BDP1: variants seen among roughly 807,000 people sequenced by gnomAD.
BDP1 encodes the protein BDP1 general transcription factor IIIB subunit.
Under a neutral mutation model 266.6 loss-of-function variants are expected in BDP1, and 169 were observed. The observed-to-expected ratio is 0.63, with a 90% confidence interval of 0.56 to 0.72. The LOEUF is 0.72. Among genes scored for constraint, BDP1 ranks in the 30% least tolerant of loss-of-function variants. The pLI is 0.00. For missense variants in BDP1, 3,015 were observed against 3,053.8 expected (o/e 0.99, Z 0.30); for synonymous variants, 1,090 against 1,022.4 (o/e 1.07, Z -1.26).
intron 17 of BDP1, among the ~76,000 whole-genome samples, chr5:71,511,958 C>T (rs1256558681): frequency 1.3e-5 from 2 of 150,732 alleles, no homozygotes; most frequent in African/African-American, 4.9e-5. Context: ...TTTCAAGTTA[C>T]TTTGAAGTTC....
At position 71,522,780 on chromosome 5, in the gene BDP1, C is replaced by G; in HGVS notation, c.5218C>G (p.Leu1740Val). 2 of 1,605,352 alleles carry G rather than the reference C, an allele frequency of 1.2e-6. No homozygotes were observed. The highest frequency in any genetic ancestry group is 1.7e-5 in the Admixed American group (1 of 57,802). ...LKEKAELLTS[L>V]EVSARKDCVG... ...GGAAAAAGCTGAGCTTCTGACATCT[C>G]TGGAGGTTTCAGCAAGAAAAGATTG... The change falls in exon 24 of 39, where the codon CTG (leucine) becomes GTG (valine). Residue 1740 changes from leucine (L) to valine (V), a missense_variant. Leu to Val is a conservative substitution (Grantham distance 32). Transcript: ENST00000358731.
rs11441119 is a variant in BDP1, at chr5:71,501,673, T to TAAA, written c.2048+38_2048+40dup. 3,290 of 544,352 alleles carry TAAA rather than the reference T, an allele frequency of 6.0e-3. 40 individuals carry two copies. The highest frequency in any genetic ancestry group is 0.042 in the African/African-American group (1,806 of 43,100). 33.7% of individuals were successfully genotyped at this position (544,352 alleles called of 1,614,324 possible). ...ATCTGTGTGAGTATTCAGGAAGTAG[T>TAAA]AAAAAAAAAAAAAAAAAAAAGTAAC... On this transcript the variant is annotated intron_variant, in intron 14 of 38. Coordinates refer to ENST00000358731, the MANE Select transcript of BDP1 (RefSeq NM_018429.3).
At chr5:71,552,111 C>T (rs535530215) in intron 34 of BDP1, among the ~76,000 whole-genome samples, 30 of 74,572 alleles carry the variant, frequency 4.0e-4, no homozygotes, top group South Asian at 1.6e-3. Context: ...GACGGGGCGG[C>T]TGCCGGGCGG....
At chr5:71,493,987 A>G (rs1763738669) in intron 11 of BDP1, among the ~76,000 whole-genome samples, 1 of 152,260 alleles carries the variant, frequency 6.6e-6, no homozygotes, top group Non-Finnish European at 1.5e-5. Context: ...GAAGAAATGT[A>G]GAAAAATATC....
At chr5:71,525,212 C>T (rs1295342653) in intron 25 of BDP1, among the ~76,000 whole-genome samples, 3 of 151,400 alleles carry the variant, frequency 2.0e-5, no homozygotes, top group South Asian at 2.1e-4. Flanking sequence ...CAGGGGCGGC[C>T]GGGCAGAGGC....
chr5:71,463,436 GT>G lies in BDP1; in HGVS notation c.600-619del, dbSNP rs1451166846. The stretch of plus-strand genomic sequence containing the variant: ...GGGCCAGAAACCTAGGTTTTGAGTT[GT>G]TTAACATCCAGGAGTTGGAGACAAG... On this transcript the variant is annotated intron_variant, in intron 3 of 38. Transcript: ENST00000358731. Among the ~76,000 whole-genome samples, 3 of 152,144 alleles carry G rather than the reference GT, an allele frequency of 2.0e-5. No individual in the cohort carries two copies. The East Asian group carries it at 5.8e-4, about 29-fold the overall frequency.
At chr5:71,488,221 G>A (rs975037947) in intron 9 of BDP1, among the ~76,000 whole-genome samples, 28 of 152,122 alleles carry the variant, frequency 1.8e-4, no homozygotes, top group African/African-American at 6.5e-4. Flanking sequence ...CACTGCTCGA[G>A]TTCAAGCAGT....
At chr5:71,531,633 C>G (rs1452103338) in intron 25 of BDP1, among the ~76,000 whole-genome samples, 2 of 152,138 alleles carry the variant, frequency 1.3e-5, no homozygotes, top group African/African-American at 4.8e-5. Flanking sequence ...CTCAGCCTCC[C>G]CAGTAGCTGG....
At chr5:71,532,700 G>A (rs1048700616) in intron 26 of BDP1, among the ~76,000 whole-genome samples, 3 of 152,108 alleles carry the variant, frequency 2.0e-5, no homozygotes, top group African/African-American at 7.2e-5. Flanking sequence ...ATTCTGTTGC[G>A]TTTTATTTGC....
chr5:71,495,300 C>G lies in BDP1; in HGVS notation c.1691C>G (p.Thr564Ser). Reference sequence around the variant, plus strand: ...GCAACTGAGTCTTCAGAATCAAGCACTTCAGATTTGCCTTCATTCGAAGTT... The same window carrying G: ...GCAACTGAGTCTTCAGAATCAAGCAGTTCAGATTTGCCTTCATTCGAAGTT... ...SVATESSESSTSDLPSFEVGI... is the reference protein window; with the variant it reads ...SVATESSESSSSDLPSFEVGI... Residue 564 changes from threonine (T) to serine (S), a missense_variant, in exon 12 of 39, where the codon ACT (threonine) becomes AGT (serine). This residue lies in a region of BDP1 where 2,383 missense variants were observed against 2,404.9 expected (regional missense o/e 0.99). Coordinates refer to ENST00000358731, the MANE Select transcript of BDP1 (RefSeq NM_018429.3). 6.2e-7 allele frequency: 1 copy of G among 1,605,714 alleles called. No homozygotes were observed. The highest frequency in any genetic ancestry group is 8.5e-7 in the Non-Finnish European group (1 of 1,175,324).
chr5:71,556,032 G>A (rs953047015), intron 35 of BDP1, among the ~76,000 whole-genome samples: 1 of 151,590 alleles, frequency 6.6e-6, no homozygotes, highest in Non-Finnish European at 1.5e-5. Flanking sequence ...GTCTTGTTTT[G>A]TGTCTTTCTA....
At chr5:71,564,351 TTTTAC>T (rs2112132613) in intron 38 of BDP1, among the ~76,000 whole-genome samples, 1 of 118,818 alleles carries the variant, frequency 8.4e-6, no homozygotes, top group Non-Finnish European at 1.9e-5. Flanking sequence ...ATTAAAGTAT[TTTTAC>T]TTTATTTAGT....
intron 19 of BDP1, 128 bp from the exon 20 acceptor site, chr5:71,514,816 G>A: frequency 1.9e-6 from 1 of 529,988 alleles, no homozygotes. Context: ...GGAATTGCTG[G>A]GAATTTAGAA....
At position 71,547,763 on chromosome 5, in the gene BDP1, C is replaced by T. The variant is rs529852937; in HGVS notation, c.6745-919C>T. Among the ~76,000 whole-genome samples the T allele has an allele frequency of 7.2e-5, 11 of 152,072 alleles. No individual in the cohort carries two copies. In the East Asian group the frequency reaches 2.1e-3, roughly 29 times the overall value. On this transcript the variant is annotated intron_variant, in intron 32 of 38. Coordinates refer to ENST00000358731, the MANE Select transcript of BDP1 (RefSeq NM_018429.3). ...AAGAAATTGAGATCATCCTGGCCAA[C>T]ATGGTGAAACTCTGTCTCTACTAAA...
chr5:71,505,150 G>T (rs1764509101), intron 16 of BDP1, among the ~76,000 whole-genome samples: 2 of 152,028 alleles, frequency 1.3e-5, no homozygotes, highest in African/African-American at 4.8e-5. Context: ...GGGATTACAG[G>T]TGCCTGCCAC....
rs573617750 is a variant in BDP1 at position 71,491,719 on chromosome 5, T to G, written c.1640+588T>G. Among the ~76,000 whole-genome samples the G allele has an allele frequency of 5.3e-5, 8 of 152,262 alleles. No homozygotes were observed. The South Asian group carries it at 1.0e-3, about 20-fold the overall frequency. On this transcript the variant is annotated intron_variant, in intron 11 of 38. Transcript: ENST00000358731. Reference sequence around the variant, plus strand: ...TCATGATTCTTTCTTTGTTTTGTTTTGTTTTGTTTTGTTTTTGAGATGGGG... The same window carrying G: ...TCATGATTCTTTCTTTGTTTTGTTTGGTTTTGTTTTGTTTTTGAGATGGGG...
Position 71,510,110 on chromosome 5 carries a change from T to C in BDP1, c.3018T>C (p.Asp1006=). Residue 1006 remains aspartate, a synonymous_variant, in exon 17 of 39, where the codon GAT becomes GAC. Coordinates refer to ENST00000358731, the MANE Select transcript of BDP1 (RefSeq NM_018429.3). ...ENGPEEVKPV[D]EMETDLNATG... ...GCCCAGAGGAGGTCAAGCCTGTAGA[T>C]GAAATGGAGACAGATTTGAACGCAA... 1.2e-6 allele frequency: 2 copies of C among 1,612,416 alleles called. No individual in the cohort carries two copies. The highest frequency in any genetic ancestry group is 1.7e-6 in the Non-Finnish European group (2 of 1,179,714).
intron 7 of BDP1, among the ~76,000 whole-genome samples, chr5:71,481,139 G>A (rs943737776): frequency 1.1e-4 from 17 of 151,256 alleles, no homozygotes; most frequent in Admixed American, 5.9e-4. Context: ...GCGCCACTGC[G>A]CTCCAGCCTG....
At chr5:71,469,417 A>C (rs956610531) in intron 6 of BDP1, among the ~76,000 whole-genome samples, 2 of 151,766 alleles carry the variant, frequency 1.3e-5, no homozygotes, top group Non-Finnish European at 2.9e-5. Context: ...GGTATTTACA[A>C]GCGTGAGCCA....
Sources: gnomAD v4.1 joint callset for allele counts (sites outside exome capture counted in the v4.1 genomes callset) on GRCh38, gnomAD v4.1.1 for gene constraint, gnomAD v4.1.1 regional missense constraint, MANE v1.5 for transcripts, NCBI Gene and HGNC (gene_info 2026-07-23, HGNC 2026-07-21) for gene names.